The following SCN8A variants were observed in gnomAD, a reference collection of about 807,000 sequenced individuals.
SCN8A encodes sodium voltage-gated channel alpha subunit 8.
In SCN8A, 30 loss-of-function variants were observed where a neutral mutation model predicts 184.1. That is an observed-to-expected ratio of 0.16 (90% CI 0.12 to 0.22). The LOEUF is 0.22. Ranked by LOEUF, SCN8A falls within the 10% of genes least tolerant of loss-of-function variation. The probability of loss-of-function intolerance (pLI) is 1.00; values close to 1 mark genes in which losing one functional copy is unlikely to be tolerated. For missense variants in SCN8A, 1,057 were observed against 2,498.9 expected (o/e 0.42, Z 12.30); for synonymous variants, 852 against 907.0 (o/e 0.94, Z 1.09).
At chr12:51,774,449 TGGGCCCAGGTTA>T in intron 20 of SCN8A, 87 bp downstream of exon 20, 1 of 1,283,282 alleles carries the variant, frequency 7.8e-7, no homozygotes, top group Non-Finnish European at 1.1e-6. Context: ...GTAGCTGCCC[TGGGCCCAGGTTA>T]TAGATCAAGA....
intron 13 of SCN8A, among the ~76,000 whole-genome samples, 180 bp from the exon 14 acceptor site, chr12:51,751,175 A>G (rs1942588434): frequency 1.3e-5 from 2 of 152,170 alleles, no homozygotes; most frequent in African/African-American, 4.8e-5. Context: ...ACAGGGAGGC[A>G]ACTTGTGTGG....
intron 1 of SCN8A, among the ~76,000 whole-genome samples, chr12:51,612,727 A>G (rs1939748336): frequency 6.6e-6 from 1 of 151,990 alleles, no homozygotes; most frequent in South Asian, 2.1e-4. Flanking sequence ...ATGATTTGCT[A>G]ATATTTTTTT....
intron 1 of SCN8A, among the ~76,000 whole-genome samples, chr12:51,621,618 C>T (rs1385371598): frequency 1.3e-5 from 2 of 152,098 alleles, no homozygotes; most frequent in African/African-American, 4.8e-5. Context: ...GAATAATTTC[C>T]TCTGGATGTG....
intron 1 of SCN8A, among the ~76,000 whole-genome samples, chr12:51,648,308 C>T (rs118167599): frequency 0.013 from 2,050 of 152,250 alleles, 19 homozygotes; most frequent in Non-Finnish European, 0.023. Context: ...CCTCAAGAAA[C>T]CCTCCTGCCT....
intron 1 of SCN8A, among the ~76,000 whole-genome samples, chr12:51,651,856 A>G (rs1940721739): frequency 1.3e-5 from 2 of 152,226 alleles, no homozygotes; most frequent in African/African-American, 2.4e-5. Context: ...TTCTCCAGGG[A>G]AGAAAGAAGC....
intron 1 of SCN8A, among the ~76,000 whole-genome samples, chr12:51,641,196 A>G (rs1215140843): frequency 6.6e-6 from 1 of 152,226 alleles, no homozygotes; most frequent in Non-Finnish European, 1.5e-5. Flanking sequence ...TAAGGAATCT[A>G]GAGATTATTT....
chr12:51,741,007 A>G (rs1182725977), intron 12 of SCN8A, among the ~76,000 whole-genome samples: 1 of 152,134 alleles, frequency 6.6e-6, no homozygotes, highest in Non-Finnish European at 1.5e-5. Flanking sequence ...GCTGGTCTCA[A>G]ACTCCTGGGC....
At chr12:51,623,247 T>C (rs1940001976) in intron 1 of SCN8A, among the ~76,000 whole-genome samples, 1 of 152,204 alleles carries the variant, frequency 6.6e-6, no homozygotes, top group South Asian at 2.1e-4. Flanking sequence ...GAAATAAAAG[T>C]ATGTATGCTA....
At chr12:51,671,553 A>G (rs1262124813) in intron 2 of SCN8A, among the ~76,000 whole-genome samples, 1 of 152,240 alleles carries the variant, frequency 6.6e-6, no homozygotes, top group Non-Finnish European at 1.5e-5. Flanking sequence ...TTATCATAAC[A>G]AAAATTTACC....
At chr12:51,700,695 A>G (rs1941672788) in intron 7 of SCN8A, among the ~76,000 whole-genome samples, 1 of 152,216 alleles carries the variant, frequency 6.6e-6, no homozygotes, top group African/African-American at 2.4e-5. Flanking sequence ...TTTCGGGGAC[A>G]TATGCTGGAA....
chr12:51,653,340 C>T (rs1334181959), intron 1 of SCN8A, among the ~76,000 whole-genome samples: 1 of 152,284 alleles, frequency 6.6e-6, no homozygotes, highest in Admixed American at 6.5e-5. Flanking sequence ...CTTCTCATTC[C>T]CACACAGCCC....
rs1053180463 is a variant in SCN8A, at chr12:51,706,663, C to A, written c.1583C>A (p.Ala528Asp). Reference protein sequence around the residue: ...SESEDGMRRKAFRLPDNRIGR... With the variant: ...SESEDGMRRKDFRLPDNRIGR... ...TCAGAAGATGGCATGAGAAGGAAGGCCTTTCGGCTGCCAGACAACAGAATA... is the reference window on the plus strand; with the variant it reads ...TCAGAAGATGGCATGAGAAGGAAGGACTTTCGGCTGCCAGACAACAGAATA... The change falls in exon 11 of 27, where the codon GCC (alanine) becomes GAC (aspartate). Residue 528 changes from alanine to aspartate, a missense_variant. Around this residue, in one of 19 missense-constraint regions of SCN8A, gnomAD observed 322 missense variants for 390.1 expected, o/e 0.83. Coordinates refer to ENST00000627620, the MANE Select transcript of SCN8A (RefSeq NM_001330260.2). 1 of 1,596,438 alleles carries A rather than the reference C, an allele frequency of 6.3e-7. No homozygotes were observed. The highest frequency in any genetic ancestry group is 8.5e-7 in the Non-Finnish European group (1 of 1,172,166).
In SCN8A at chr12:51,806,849, T is replaced by G; in HGVS notation, c.5363T>G (p.Phe1788Cys). ...DPLSEDDFETFYEIWEKFDPD... is the reference protein window; with the variant it reads ...DPLSEDDFETCYEIWEKFDPD... ...CTGAGTGAGGATGACTTTGAGACCT[T>G]CTATGAGATCTGGGAGAAGTTCGAC... Residue 1788 changes from phenylalanine to cysteine, a missense_variant, in exon 27 of 27, where the codon TTC becomes TGC. This residue lies in a region of SCN8A where 50 missense variants were observed against 125.8 expected (regional missense o/e 0.40). Coordinates refer to ENST00000627620, the MANE Select transcript of SCN8A (RefSeq NM_001330260.2). This position sits in a 1 kb window ranked among gnomAD's most constrained non-coding sequence, Gnocchi z 8.7. The G allele has an allele frequency of 6.2e-7, 1 of 1,614,084 alleles. No homozygotes were observed. Among genetic ancestry groups the G allele is most frequent in the Non-Finnish European group, 8.5e-7 (1 of 1,179,946 alleles).
At chr12:51,778,561 C>T (rs1187022861) in intron 20 of SCN8A, among the ~76,000 whole-genome samples, 1 of 152,058 alleles carries the variant, frequency 6.6e-6, no homozygotes. Context: ...CCTGGCCATA[C>T]CTGTTTTTAA....
intron 6 of SCN8A, 182 bp downstream of exon 6, chr12:51,689,278 T>A (rs1322305583): frequency 3.4e-6 from 2 of 592,864 alleles, no homozygotes; most frequent in African/African-American, 3.7e-5. Flanking sequence ...TCTGAGTGCT[T>A]GCCAGGCATG....
At chr12:51,774,745 G>A (rs1172575253) in intron 20 of SCN8A, among the ~76,000 whole-genome samples, 2 of 152,092 alleles carry the variant, frequency 1.3e-5, no homozygotes, top group Non-Finnish European at 2.9e-5. Context: ...AGAATGAGAT[G>A]GGGGCTGTTG....
intron 1 of SCN8A, among the ~76,000 whole-genome samples, chr12:51,624,303 T>C (rs924778128): frequency 1.3e-5 from 2 of 152,238 alleles, no homozygotes; most frequent in African/African-American, 4.8e-5. Context: ...TGATCGCCAT[T>C]CTAACTGGTG....
At chr12:51,657,826 T>G (rs1236073352) in intron 1 of SCN8A, among the ~76,000 whole-genome samples, 1 of 152,190 alleles carries the variant, frequency 6.6e-6, no homozygotes, top group Non-Finnish European at 1.5e-5. Flanking sequence ...AGTTTCATTC[T>G]TCTGCATATG....
intron 6 of SCN8A, among the ~76,000 whole-genome samples, chr12:51,697,881 CT>C (rs760323948): frequency 2.0e-5 from 3 of 152,164 alleles, no homozygotes; most frequent in Non-Finnish European, 4.4e-5. Context: ...CGGAGTCTCG[CT>C]CTGTTGACCA....
Sources: allele counts gnomAD v4.1 joint callset (sites outside exome capture counted in the v4.1 genomes callset), GRCh38; gene constraint gnomAD v4.1.1; regional missense constraint gnomAD v4.1.1; non-coding constraint Gnocchi (gnomAD v3.1); transcripts MANE v1.5; gene names NCBI Gene and HGNC (gene_info 2026-07-23, HGNC 2026-07-21).